The following CNGB1 variants were observed in gnomAD, a reference collection of about 807,000 sequenced individuals.
The protein encoded by CNGB1 is cyclic nucleotide-gated channel beta-1.
A neutral mutation model predicts 151.7 loss-of-function variants in CNGB1; 126 were observed. That is an observed-to-expected ratio of 0.83 (90% CI 0.72 to 0.96). The LOEUF is 0.96. Ranked by LOEUF, CNGB1 falls within the 40% of genes least tolerant of loss-of-function variation. The pLI is 0.00. For synonymous variants in CNGB1, 623 were observed against 635.1 expected (o/e 0.98, Z 0.29); for missense variants, 1,698 against 1,627.0 (o/e 1.04, Z -0.75).
intron 12 of CNGB1, chr16:57,955,377 AAGG>A (rs1196286437): frequency 6.4e-7 from 1 of 1,551,350 alleles, no homozygotes; most frequent in South Asian, 1.2e-5. Context: ...CCCTGAAACA[AAGG>A]AGAAGACAGG....
intron 1 of CNGB1, among the ~76,000 whole-genome samples, chr16:57,968,681 G>A (rs1962459200): frequency 6.6e-6 from 1 of 152,066 alleles, no homozygotes; most frequent in African/African-American, 2.4e-5. Context: ...TTACATGAGT[G>A]GAAAATCTGT....
chr16:57,921,217 C>CTTTTTTTTTTTTTTTTTTTT (rs1185678390), intron 18 of CNGB1, among the ~76,000 whole-genome samples: 1 of 90,142 alleles, frequency 1.1e-5, no homozygotes, highest in African/African-American at 5.0e-5. Flanking sequence ...AAATGAGGCT[C>CTTTTTTTTTTTTTTTTTTTT]TTTTTTTTTT....
chr16:57,928,743 T>A (rs1961260428), intron 17 of CNGB1, among the ~76,000 whole-genome samples: 1 of 152,224 alleles, frequency 6.6e-6, no homozygotes, highest in Non-Finnish European at 1.5e-5. Context: ...GTTCAAACGA[T>A]TCTCCTGCCT....
intron 17 of CNGB1, among the ~76,000 whole-genome samples, chr16:57,924,719 C>T (rs867504766): frequency 3.3e-5 from 5 of 152,082 alleles, no homozygotes; most frequent in East Asian, 1.9e-4. Flanking sequence ...GCTTGGTGGA[C>T]GTGATTAGAT....
rs1962452953 is a variant in CNGB1 at position 57,968,451 on chromosome 16, C to T, written c.-8-1157G>A. On this transcript the variant is annotated intron_variant, in intron 1 of 32. Transcript: ENST00000251102. ...GGTAGAGGTTGCAGTGAACCAAGAT[C>T]GTGCCACTGCACTCCAGCCTGGGTG... 2.6e-5 allele frequency among the ~76,000 whole-genome samples: 4 copies of T among 152,004 alleles called. No individual in the cohort carries two copies. The South Asian group carries it at 8.3e-4, about 32-fold the overall frequency.
At chr16:57,967,777 A>ATG (rs761763965) in intron 1 of CNGB1, among the ~76,000 whole-genome samples, 2 of 151,932 alleles carry the variant, frequency 1.3e-5, no homozygotes, top group Non-Finnish European at 2.9e-5. Context: ...ACACACAGAT[A>ATG]TGTGTGTGTG....
chr16:57,919,187 C>T lies in CNGB1; in HGVS notation c.1869G>A (p.Glu623=). 2.5e-6 allele frequency: 4 copies of T among 1,614,242 alleles called. No homozygotes were observed. Among genetic ancestry groups the T allele is most frequent in the Non-Finnish European group, 3.4e-6 (4 of 1,180,052 alleles). The change falls in exon 20 of 33, where the codon GAG becomes GAA. Residue 623 remains glutamate (E), a synonymous_variant. Transcript: ENST00000251102. ...TKPAEAEPVE[E]EHYCDMLCCK... Reference sequence around the variant, plus strand: ...AGCAGAGCATGTCGCAATAGTGCTCCTCTTCCACTGGCTCGGCTTCAGCGG... The same window carrying T: ...AGCAGAGCATGTCGCAATAGTGCTCTTCTTCCACTGGCTCGGCTTCAGCGG...
At chr16:57,946,800 G>T (rs116990110) in intron 14 of CNGB1, among the ~76,000 whole-genome samples, 9,927 of 152,244 alleles carry the variant, frequency 0.065, 460 homozygotes, top group Non-Finnish European at 0.089. Context: ...TCTGGCCCTG[G>T]CCCTGTGATC....
At chr16:57,906,655 G>A (rs1425421001) in intron 25 of CNGB1, among the ~76,000 whole-genome samples, 3 of 152,242 alleles carry the variant, frequency 2.0e-5, no homozygotes, top group East Asian at 1.9e-4. Context: ...AGCGTTTAGC[G>A]GGACGGAGCA....
chr16:57,903,758 C>A, intron 27 of CNGB1, 64 bp downstream of exon 27: 1 of 1,587,982 alleles, frequency 6.3e-7, no homozygotes, highest in South Asian at 1.1e-5. Flanking sequence ...GAAGGCATGG[C>A]ACCGGGCACC....
At chr16:57,942,123 C>T (rs1172295918) in intron 14 of CNGB1, among the ~76,000 whole-genome samples, 1 of 152,108 alleles carries the variant, frequency 6.6e-6, no homozygotes. Flanking sequence ...CTCAAGTGAT[C>T]CTCCCACCTT....
At chr16:57,959,762 C>T (rs1200680011) in intron 10 of CNGB1, 126 bp downstream of exon 10, 1 of 1,215,630 alleles carries the variant, frequency 8.2e-7, no homozygotes, top group African/African-American at 1.5e-5. Context: ...ATGTGGCTGC[C>T]TTGGGAAGGA....
At chr16:57,888,455 GTCTCTGTCTCTGTC>G (rs1420514197) in intron 31 of CNGB1, among the ~76,000 whole-genome samples, 1 of 145,242 alleles carries the variant, frequency 6.9e-6, no homozygotes, top group African/African-American at 2.7e-5. Flanking sequence ...CTCTCTCTCT[GTCTCTGTCTCTGTC>G]TCTCTCTCTC....
At chr16:57,922,786 G>A (rs1053965054) in intron 18 of CNGB1, among the ~76,000 whole-genome samples, 1 of 152,026 alleles carries the variant, frequency 6.6e-6, no homozygotes, top group African/African-American at 2.4e-5. Context: ...CATCCCCTGG[G>A]GAGTTTGGAA....
At position 57,901,585 on chromosome 16, in the gene CNGB1, C is replaced by G; in HGVS notation, c.2835G>C (p.Arg945=). 6.2e-7 allele frequency: 1 copy of G among 1,614,178 alleles called. No individual in the cohort carries two copies. Among genetic ancestry groups the G allele is most frequent in the Non-Finnish European group, 8.5e-7 (1 of 1,180,040 alleles). Residue 945 remains arginine (R), a synonymous_variant, in exon 28 of 33, where the codon CGG becomes CGC. Transcript: ENST00000251102. The part of the protein sequence containing the change: ...ELMVQLPDKM[R]LDLAIDVNYN... ...AGTTCACGTCGATGGCGAGGTCCAG[C>G]CGCATCTTGTCTGGAAGCTGCACCA...
At chr16:57,900,159 A>G (rs2149356761) in intron 29 of CNGB1, among the ~76,000 whole-genome samples, 1 of 152,348 alleles carries the variant, frequency 6.6e-6, no homozygotes, top group South Asian at 2.1e-4. Flanking sequence ...CAGAGAGGGC[A>G]AGCCACTTGC....
chr16:57,957,785 T>C (rs2149385293), intron 11 of CNGB1, among the ~76,000 whole-genome samples: 1 of 152,332 alleles, frequency 6.6e-6, no homozygotes. Context: ...TAAAGAGTTC[T>C]GTAAACAACT....
intron 25 of CNGB1, among the ~76,000 whole-genome samples, chr16:57,906,821 A>G (rs1304796047): frequency 1.3e-5 from 2 of 152,104 alleles, no homozygotes; most frequent in Admixed American, 6.5e-5. Context: ...GACATGCCAC[A>G]TCTTAGGGGC....
chr16:57,888,160 G>A lies in CNGB1; in HGVS notation c.3243-86C>T, dbSNP rs990589196. 5.8e-5 allele frequency: 80 copies of A among 1,384,670 alleles called. 1 individual carries two copies. The South Asian group carries it at 9.0e-4, about 16-fold the overall frequency. The allele number at this position is 1,384,670 out of a possible 1,614,324, so 85.8% of individuals were successfully genotyped here. A position where few individuals can be genotyped will look rare whatever the true frequency, so the allele number is the denominator to read the frequency against. The stretch of plus-strand genomic sequence containing the variant: ...CTTCTGCAGCCTCCTTTAAGCTGGA[G>A]CTGTGTAGTGGTGGTGATTTTGGCT... On this transcript the variant is annotated intron_variant, in intron 31 of 32. Transcript: ENST00000251102.
Sources: gnomAD v4.1 joint callset for allele counts (sites outside exome capture counted in the v4.1 genomes callset) on GRCh38, gnomAD v4.1.1 for gene constraint, MANE v1.5 for transcripts, NCBI Gene and HGNC (gene_info 2026-07-23, HGNC 2026-07-21) for gene names.